CSMD2: variants seen among roughly 807,000 people sequenced by gnomAD.
CSMD2 encodes CUB and sushi domain-containing protein 2.
CSMD2 carries 130 observed loss-of-function variants against 398.5 expected under a neutral mutation model. The ratio of observed to expected loss-of-function variants is 0.33; its 90% CI spans 0.28 to 0.38. The LOEUF (loss-of-function observed/expected upper bound fraction) is 0.38, where lower values mean the gene tolerates loss of function less well. CSMD2 is among the 10% of genes least tolerant of loss of function. CSMD2 has a pLI of 1.00. For missense variants in CSMD2, 3,829 were observed against 4,764.9 expected (o/e 0.80, Z 5.78); for synonymous variants, 1,828 against 1,908.5 (o/e 0.96, Z 1.10).
chr1:33,709,179 A>C lies in CSMD2; in HGVS notation c.3486T>G (p.His1162Gln). The change falls in exon 22 of 71, where the codon CAT becomes CAG. Residue 1162 changes from histidine to glutamine, a missense_variant. His to Gln is a conservative substitution (Grantham distance 24). Coordinates refer to ENST00000373381, the MANE Select transcript of CSMD2 (RefSeq NM_001281956.2). ...PNFPVNYNNN[H>Q]ECIYSIQTQP... ...GGGTCTGGATGGAGTAGATGCATTC[A>C]TGATTGTTATTGTAGTTCACAGGAA... 1 of 1,614,132 alleles carries C rather than the reference A, an allele frequency of 6.2e-7. No homozygotes were observed. The highest frequency in any genetic ancestry group is 8.5e-7 in the Non-Finnish European group (1 of 1,179,956).
chr1:33,826,833 C>T (rs1393366590), intron 6 of CSMD2, among the ~76,000 whole-genome samples: 1 of 152,182 alleles, frequency 6.6e-6, no homozygotes, highest in Non-Finnish European at 1.5e-5. Flanking sequence ...GCTGTTTAAT[C>T]CCAGCTACCC....
chr1:34,021,864 G>T (rs989185851), intron 3 of CSMD2, among the ~76,000 whole-genome samples: 1 of 152,120 alleles, frequency 6.6e-6, no homozygotes, highest in Non-Finnish European at 1.5e-5. Context: ...CAATTAAGCA[G>T]TTACCATATT....
At chr1:33,711,288 C>G (rs899180457) in intron 21 of CSMD2, among the ~76,000 whole-genome samples, 38 of 152,204 alleles carry the variant, frequency 2.5e-4, no homozygotes, top group Non-Finnish European at 1.5e-4. Context: ...TCCATTTTCT[C>G]TGAGATTACT....
chr1:33,534,148 G>A lies in CSMD2; in HGVS notation c.9880-241C>T, dbSNP rs568454186. 1.6e-4 allele frequency among the ~76,000 whole-genome samples: 24 copies of A among 152,204 alleles called. No individual in the cohort carries two copies. The South Asian group carries it at 2.5e-3, about 16-fold the overall frequency. On this transcript the variant is annotated intron_variant, in intron 62 of 70. Coordinates refer to ENST00000373381, the MANE Select transcript of CSMD2 (RefSeq NM_001281956.2). The stretch of plus-strand genomic sequence containing the variant: ...TAATATTACACTCTGTTGTGGACAC[G>A]GTGGCTGATTCAGAGTCAGAAGACC...
rs111386523 is a variant in CSMD2, at chr1:33,914,318, T to C, written c.920+3776A>G. ...ACATGTGCTTAAGGTGGTCTGGGGGTGAGGGATGACTTGGTGATGTGAATT... is the reference window on the plus strand; with the variant it reads ...ACATGTGCTTAAGGTGGTCTGGGGGCGAGGGATGACTTGGTGATGTGAATT... On this transcript the variant is annotated intron_variant, in intron 5 of 70. Transcript: ENST00000373381. Among the ~76,000 whole-genome samples, 88 of 151,358 alleles carry C rather than the reference T, an allele frequency of 5.8e-4. 2 individuals are homozygous for C. In the South Asian group the frequency reaches 7.0e-3, roughly 12 times the overall value.
chr1:33,785,978 T>G (rs1358849991), intron 12 of CSMD2, among the ~76,000 whole-genome samples: 2 of 152,216 alleles, frequency 1.3e-5, no homozygotes, highest in African/African-American at 4.8e-5. Context: ...AATCCTCTCC[T>G]TATCTATCCC....
At chr1:34,138,128 G>C (rs578145096) in intron 1 of CSMD2, among the ~76,000 whole-genome samples, 2 of 152,234 alleles carry the variant, frequency 1.3e-5, no homozygotes, top group South Asian at 4.2e-4. Context: ...GTCAGGTGCT[G>C]GCTAAACAAG....
intron 3 of CSMD2, among the ~76,000 whole-genome samples, chr1:34,006,300 C>T (rs1027354697): frequency 1.3e-5 from 2 of 152,100 alleles, no homozygotes; most frequent in African/African-American, 4.8e-5. Flanking sequence ...GGATGCTGTA[C>T]GTTGCACCTG....
chr1:34,034,815 G>C (rs1650914547), intron 2 of CSMD2, among the ~76,000 whole-genome samples: 1 of 152,152 alleles, frequency 6.6e-6, no homozygotes, highest in African/African-American at 2.4e-5. Flanking sequence ...AACTGTAAAA[G>C]ATAATGAGAA....
chr1:33,595,669 A>G (rs1639790620), intron 44 of CSMD2, among the ~76,000 whole-genome samples: 1 of 152,200 alleles, frequency 6.6e-6, no homozygotes, highest in Non-Finnish European at 1.5e-5. Context: ...GAACCCCTCC[A>G]AGCCAGATTC....
At chr1:33,910,195 T>C (rs772000699) in intron 5 of CSMD2, among the ~76,000 whole-genome samples, 27 of 152,320 alleles carry the variant, frequency 1.8e-4, no homozygotes, top group Admixed American at 1.2e-3. Flanking sequence ...TTAATAGCTT[T>C]CCACAGCTTA....
intron 29 of CSMD2, among the ~76,000 whole-genome samples, 159 bp downstream of exon 29, chr1:33,646,489 G>A (rs752014242): frequency 4.5e-4 from 69 of 152,336 alleles, no homozygotes; most frequent in Middle Eastern, 3.4e-3. Context: ...CCAGATGGGG[G>A]CCGCAGGAAA....
chr1:34,019,624 C>T (rs1648604124), intron 3 of CSMD2, among the ~76,000 whole-genome samples: 3 of 152,150 alleles, frequency 2.0e-5, no homozygotes. Context: ...CCTGCTTTGC[C>T]TCCTGTGACT....
At chr1:33,960,822 A>G (rs1466941708) in intron 3 of CSMD2, among the ~76,000 whole-genome samples, 3 of 152,130 alleles carry the variant, frequency 2.0e-5, no homozygotes, top group African/African-American at 7.2e-5. Context: ...GAAAGCGCCC[A>G]CTGATTAGGG....
chr1:33,992,296 C>T (rs1194067191), intron 3 of CSMD2, among the ~76,000 whole-genome samples: 1 of 152,144 alleles, frequency 6.6e-6, no homozygotes, highest in Admixed American at 6.5e-5. Context: ...AAGCCTCGAC[C>T]TCCCACCTCA....
chr1:34,049,862 C>T (rs1008468156), intron 2 of CSMD2, among the ~76,000 whole-genome samples: 1 of 152,102 alleles, frequency 6.6e-6, no homozygotes, highest in Non-Finnish European at 1.5e-5. Context: ...GAGGTGGGAT[C>T]TTCGGGAGGT....
chr1:34,142,193 A>G (rs939078527), intron 1 of CSMD2, among the ~76,000 whole-genome samples: 1 of 152,186 alleles, frequency 6.6e-6, no homozygotes, highest in Non-Finnish European at 1.5e-5. Flanking sequence ...CCTTTGGGGA[A>G]GAGATGGGTC....
chr1:33,627,899 G>A (rs1013954214), intron 32 of CSMD2, among the ~76,000 whole-genome samples: 2 of 152,220 alleles, frequency 1.3e-5, no homozygotes, highest in South Asian at 2.1e-4. Flanking sequence ...CAGAACCCAT[G>A]TCAACTGCAG....
intron 12 of CSMD2, among the ~76,000 whole-genome samples, chr1:33,787,199 G>T (rs1212300504): frequency 1.3e-5 from 2 of 152,210 alleles, no homozygotes; most frequent in African/African-American, 4.8e-5. Context: ...CATAGTGGGG[G>T]CATGGCCCTG....
Sources: allele counts gnomAD v4.1 joint callset (sites outside exome capture counted in the v4.1 genomes callset), GRCh38; gene constraint gnomAD v4.1.1; transcripts MANE v1.5; gene names NCBI Gene and HGNC (gene_info 2026-07-23, HGNC 2026-07-21).